KAT2B: variants seen among roughly 807,000 people sequenced by gnomAD.
The protein encoded by KAT2B is histone acetyltransferase KAT2B.
Under a neutral mutation model 105.9 loss-of-function variants are expected in KAT2B, and 36 were observed. The observed-to-expected ratio is 0.34, with a 90% confidence interval of 0.26 to 0.45. KAT2B has a LOEUF of 0.45. Among genes scored for constraint, KAT2B ranks in the 20% least tolerant of loss-of-function variants. The pLI, the probability that KAT2B is intolerant of heterozygous loss-of-function variation, is 1.00. For missense variants in KAT2B, 820 were observed against 1,021.6 expected (o/e 0.80, Z 2.69); for synonymous variants, 397 against 377.9 (o/e 1.05, Z -0.59).
intron 2 of KAT2B, among the ~76,000 whole-genome samples, chr3:20,081,598 C>G (rs1189663041): frequency 2.0e-5 from 3 of 151,944 alleles, no homozygotes; most frequent in African/African-American, 7.3e-5. Context: ...TGTGGCCCAC[C>G]AAAAGGAATA....
intron 13 of KAT2B, among the ~76,000 whole-genome samples, chr3:20,142,418 A>AT (rs1223503510): frequency 1.3e-5 from 2 of 152,232 alleles, no homozygotes; most frequent in Admixed American, 6.5e-5. Context: ...AATTCAGTTG[A>AT]TTTTTTATAA....
Position 20,152,613 on chromosome 3 carries a change from T to C in KAT2B, c.*88T>C. ...GTTTTTTACAAAGAATTGGACATGA[T>C]GTATTGAAGAGACTTGTAAATGTAA... On this transcript the variant is annotated 3_prime_UTR_variant, in exon 18 of 18. Coordinates refer to ENST00000263754, the MANE Select transcript of KAT2B (RefSeq NM_003884.5). 9.7e-7 allele frequency: 1 copy of C among 1,025,868 alleles called. No homozygotes were observed. Among genetic ancestry groups the C allele is most frequent in the South Asian group, 1.6e-5 (1 of 61,704 alleles). The allele number at this position is 1,025,868 out of a possible 1,614,324, so 63.5% of individuals were successfully genotyped here.
chr3:20,052,193 G>A (rs981090133), intron 1 of KAT2B, among the ~76,000 whole-genome samples: 6 of 152,076 alleles, frequency 3.9e-5, no homozygotes, highest in African/African-American at 9.7e-5. Flanking sequence ...CTGACTCTCC[G>A]GTCTAAAGTA....
In KAT2B at chr3:20,056,057, C is replaced by T. The variant is rs145866875; in HGVS notation, c.303+15277C>T. Among the ~76,000 whole-genome samples, 118 of 152,236 alleles carry T rather than the reference C, an allele frequency of 7.8e-4. 1 individual carries two copies. In the East Asian group the frequency reaches 0.022, roughly 28 times the overall value. On this transcript the variant is annotated intron_variant, in intron 1 of 17. Coordinates refer to ENST00000263754, the MANE Select transcript of KAT2B (RefSeq NM_003884.5). ...TTGTTATGGACATCTGGGCTGTTTC[C>T]AGTGAATTCAAATTAGATTTCCGGT...
At chr3:20,132,117 G>A (rs568578552) in intron 11 of KAT2B, among the ~76,000 whole-genome samples, 92 of 152,320 alleles carry the variant, frequency 6.0e-4, no homozygotes, top group African/African-American at 2.1e-3. Context: ...GCTCACACCT[G>A]TAATCCCAGC....
intron 11 of KAT2B, among the ~76,000 whole-genome samples, chr3:20,132,247 G>A (rs1306141289): frequency 9.2e-5 from 14 of 152,130 alleles, no homozygotes; most frequent in African/African-American, 2.9e-4. Flanking sequence ...GGTGGTGCAT[G>A]CCTGTAATCC....
chr3:20,139,233 A>T (rs1175040438), intron 12 of KAT2B, among the ~76,000 whole-genome samples: 1 of 149,860 alleles, frequency 6.7e-6, no homozygotes, highest in Non-Finnish European at 1.5e-5. Context: ...TTTTTTTTAA[A>T]AATGTGTTCT....
At chr3:20,150,704 A>G (rs1203044766) in intron 17 of KAT2B, among the ~76,000 whole-genome samples, 1 of 152,250 alleles carries the variant, frequency 6.6e-6, no homozygotes, top group East Asian at 1.9e-4. Flanking sequence ...ATAGAAAGGA[A>G]GTATTCAGAA....
intron 1 of KAT2B, among the ~76,000 whole-genome samples, chr3:20,046,427 C>T (rs529246487): frequency 2.1e-4 from 32 of 152,190 alleles, no homozygotes; most frequent in African/African-American, 5.5e-4. Flanking sequence ...ACAAAAATTA[C>T]GAAAATTAGC....
At chr3:20,055,477 A>T (rs1278350099) in intron 1 of KAT2B, among the ~76,000 whole-genome samples, 1 of 152,174 alleles carries the variant, frequency 6.6e-6, no homozygotes, top group Non-Finnish European at 1.5e-5. Context: ...ATTCCTCTAG[A>T]TACATGCCCA....
chr3:20,122,805 G>T lies in KAT2B; in HGVS notation c.1413+1G>T. The T allele has an allele frequency of 6.2e-7, 1 of 1,609,466 alleles. No homozygotes were observed. Among genetic ancestry groups the T allele is most frequent in the Non-Finnish European group, 8.5e-7 (1 of 1,177,098 alleles). On this transcript the variant is annotated splice_donor_variant, in intron 9 of 17. Coordinates refer to ENST00000263754, the MANE Select transcript of KAT2B (RefSeq NM_003884.5). LOFTEE classifies it high-confidence loss of function. ...CCCTGCAGCAATGCTTGGACCAGAG[G>T]TCAGCAGGGTAAACCTGGGCAGCCA...
At chr3:20,058,735 A>G (rs1698045295) in intron 1 of KAT2B, among the ~76,000 whole-genome samples, 1 of 152,156 alleles carries the variant, frequency 6.6e-6, no homozygotes, top group Non-Finnish European at 1.5e-5. Context: ...ATTGTCACAC[A>G]GTGGAGGAAG....
At position 20,111,686 on chromosome 3, in the gene KAT2B, G is replaced by A. The variant is rs759510956; in HGVS notation, c.942G>A (p.Ser314=). The A allele has an allele frequency of 2.0e-5, 32 of 1,613,858 alleles. No homozygotes were observed. Among genetic ancestry groups the A allele is most frequent in the East Asian group, 2.2e-5 (1 of 44,882 alleles). The change falls in exon 6 of 18, where the codon TCG becomes TCA. Residue 314 remains serine, a synonymous_variant. Coordinates refer to ENST00000263754, the MANE Select transcript of KAT2B (RefSeq NM_003884.5). The part of the protein sequence containing the change: ...TQVFGRTLLR[S]VFTVMRRQLL... ...TGTTTGGGAGAACATTGCTTCGCTC[G>A]GTCTTCACTGTTATGAGGCGACAAC...
At chr3:20,125,306 G>GAAAA (rs34271857) in intron 9 of KAT2B, among the ~76,000 whole-genome samples, 4 of 117,120 alleles carry the variant, frequency 3.4e-5, no homozygotes, top group African/African-American at 1.0e-4. Flanking sequence ...CTCCGTCTCA[G>GAAAA]AAAAAAAAAA....
intron 5 of KAT2B, among the ~76,000 whole-genome samples, chr3:20,107,954 G>A (rs994401754): frequency 1.3e-5 from 2 of 151,354 alleles, no homozygotes; most frequent in Non-Finnish European, 2.9e-5. Context: ...GACTACAGGC[G>A]CCTGCCACCA....
At chr3:20,064,399 A>G (rs1363514961) in intron 1 of KAT2B, among the ~76,000 whole-genome samples, 1 of 152,194 alleles carries the variant, frequency 6.6e-6, no homozygotes, top group African/African-American at 2.4e-5. Flanking sequence ...GCAATATATT[A>G]TTGTTAACTA....
At chr3:20,115,101 T>C in intron 7 of KAT2B, 113 bp downstream of exon 7, 1 of 661,320 alleles carries the variant, frequency 1.5e-6, no homozygotes, top group East Asian at 2.7e-5. Flanking sequence ...CTTAGCTCTA[T>C]AGTCAAATGC....
intron 2 of KAT2B, 81 bp from the exon 3 acceptor site, chr3:20,095,182 A>C: frequency 2.6e-6 from 3 of 1,165,178 alleles, no homozygotes; most frequent in Admixed American, 4.0e-5. Context: ...AGACTGATGA[A>C]AGAGGACCTT....
At chr3:20,148,590 G>C (rs1454188437) in intron 17 of KAT2B, 103 bp downstream of exon 17, 41 of 833,966 alleles carry the variant, frequency 4.9e-5, no homozygotes, top group East Asian at 1.3e-4. Context: ...GCTTAGGGTA[G>C]GAAGTGTATG....
Sources: allele counts gnomAD v4.1 joint callset (sites outside exome capture counted in the v4.1 genomes callset), GRCh38; gene constraint gnomAD v4.1.1; transcripts MANE v1.5; gene names NCBI Gene and HGNC (gene_info 2026-07-23, HGNC 2026-07-21).